IFT81: variants seen among roughly 807,000 people sequenced by gnomAD.
The protein encoded by IFT81 is intraflagellar transport protein 81 homolog.
In IFT81, 72 loss-of-function variants were observed where a neutral mutation model predicts 102.6. The ratio of observed to expected loss-of-function variants is 0.70; its 90% CI spans 0.58 to 0.85. The LOEUF is 0.85. Among genes scored for constraint, IFT81 ranks in the 40% least tolerant of loss-of-function variants. The probability of loss-of-function intolerance (pLI) is 0.00; values close to 1 mark genes in which losing one functional copy is unlikely to be tolerated. For synonymous variants in IFT81, 237 were observed against 242.7 expected, an observed-to-expected ratio of 0.98 and a Z score of 0.22; for missense variants, 723 against 787.3, an observed-to-expected ratio of 0.92 and a Z score of 0.98.
At chr12:110,172,578 A>G (rs373241849) in intron 11 of IFT81, among the ~76,000 whole-genome samples, 2 of 151,500 alleles carry the variant, frequency 1.3e-5, no homozygotes, top group African/African-American at 4.8e-5. Context: ...TGGTGGAGAC[A>G]GGGTTTCGCT....
chr12:110,147,104 C>A, intron 10 of IFT81, 56 bp downstream of exon 10: 2 of 1,363,686 alleles, frequency 1.5e-6, no homozygotes, highest in South Asian at 1.4e-5. Context: ...TCATGAACCA[C>A]TGGCTGTGTT....
rs546000321 is a variant in IFT81 at position 110,218,423 on chromosome 12, C to T, written c.*197C>T. 3 of 420,930 alleles carry T rather than the reference C, an allele frequency of 7.1e-6. No homozygotes were observed. In the South Asian group the frequency reaches 2.6e-4, roughly 36 times the overall value. 26.1% of individuals were successfully genotyped at this position (420,930 alleles called of 1,614,324 possible). On this transcript the variant is annotated 3_prime_UTR_variant, in exon 19 of 19. Transcript: ENST00000242591. ...TTCATATGAAAAAGAGGCTTTTATT[C>T]TTTTCCATAGTTTAGACATCACTGG...
At chr12:110,125,340 G>C (rs1024628904) in intron 1 of IFT81, among the ~76,000 whole-genome samples, 1 of 152,134 alleles carries the variant, frequency 6.6e-6, no homozygotes, top group African/African-American at 2.4e-5. Context: ...TTATTTCTTA[G>C]CAATAATAAT....
intron 11 of IFT81, among the ~76,000 whole-genome samples, chr12:110,169,881 GA>G (rs1221422980): frequency 6.6e-6 from 1 of 151,956 alleles, no homozygotes; most frequent in African/African-American, 2.4e-5. Context: ...GGACATTTTT[GA>G]AGTAATGTGT....
chr12:110,214,104 G>T (rs999108302), intron 18 of IFT81, among the ~76,000 whole-genome samples: 1 of 152,098 alleles, frequency 6.6e-6, no homozygotes, highest in Non-Finnish European at 1.5e-5. Flanking sequence ...TGAATTCTGT[G>T]TACCTTATTT....
chr12:110,153,993 AT>A (rs1052328896), intron 10 of IFT81, among the ~76,000 whole-genome samples: 3 of 148,788 alleles, frequency 2.0e-5, no homozygotes, highest in Non-Finnish European at 3.0e-5. Context: ...TTGTTGGGAT[AT>A]TTTTTTTTAG....
chr12:110,169,805 C>T (rs992652724), intron 11 of IFT81, among the ~76,000 whole-genome samples: 22 of 151,948 alleles, frequency 1.4e-4, no homozygotes, highest in African/African-American at 4.1e-4. Flanking sequence ...TCAAGTGATC[C>T]GCCCACCTCG....
intron 9 of IFT81, among the ~76,000 whole-genome samples, 181 bp from the exon 10 acceptor site, chr12:110,146,772 C>T (rs1203782792): frequency 6.6e-6 from 1 of 151,882 alleles, no homozygotes; most frequent in African/African-American, 2.4e-5. Context: ...AATTCAAAAT[C>T]AGTCTGGGCA....
At chr12:110,151,580 CATG>C (rs1895530327) in intron 10 of IFT81, among the ~76,000 whole-genome samples, 1 of 152,116 alleles carries the variant, frequency 6.6e-6, no homozygotes, top group Non-Finnish European at 1.5e-5. Context: ...TGGTATACAA[CATG>C]ATGTTTTGAA....
At chr12:110,196,506 C>T (rs1294499333) in intron 14 of IFT81, among the ~76,000 whole-genome samples, 7 of 152,206 alleles carry the variant, frequency 4.6e-5, no homozygotes, top group South Asian at 2.1e-4. Context: ...GGTGACAGAG[C>T]GAGACTCCGT....
In IFT81 at chr12:110,124,818, G is replaced by A. The variant is rs1247038963; in HGVS notation, c.-65G>A. ...CCAAATTGTGCCAGAGAACACGCACGTCCTGGTTTTCATTGTTCCCCGCCT... is the reference window on the plus strand; with the variant it reads ...CCAAATTGTGCCAGAGAACACGCACATCCTGGTTTTCATTGTTCCCCGCCT... On this transcript the variant is annotated 5_prime_UTR_variant, in exon 1 of 19. Transcript: ENST00000242591. 6.6e-6 allele frequency: 1 copy of A among 152,274 alleles called. No homozygotes were observed. Among genetic ancestry groups the A allele is most frequent in the Non-Finnish European group, 1.5e-5 (1 of 68,068 alleles). 9.4% of individuals were successfully genotyped at this position (152,274 alleles called of 1,614,324 possible). A position where few individuals can be genotyped will look rare whatever the true frequency, so the allele number is the denominator to read the frequency against.
At chr12:110,128,810 A>AG in intron 3 of IFT81, 140 bp from the exon 4 acceptor site, 1 of 502,760 alleles carries the variant, frequency 2.0e-6, no homozygotes, top group Non-Finnish European at 3.4e-6. Flanking sequence ...AAAAAAAAAA[A>AG]GATTCCTTGG....
At chr12:110,194,602 T>C (rs186709209) in intron 14 of IFT81, among the ~76,000 whole-genome samples, 23 of 152,328 alleles carry the variant, frequency 1.5e-4, no homozygotes, top group Admixed American at 1.5e-3. Context: ...TGCAATCTGA[T>C]AATTTTTATT....
intron 18 of IFT81, among the ~76,000 whole-genome samples, chr12:110,214,026 A>T (rs1014222461): frequency 3.3e-5 from 5 of 152,176 alleles, no homozygotes; most frequent in Non-Finnish European, 7.4e-5. Flanking sequence ...CCATTATATC[A>T]AAGAAAATAA....
In IFT81 at chr12:110,152,865, A is replaced by G. The variant is rs1895618297; in HGVS notation, c.1041+5817A>G. Among the ~76,000 whole-genome samples, 2 of 152,172 alleles carry G rather than the reference A, an allele frequency of 1.3e-5. 1 individual carries two copies. Among genetic ancestry groups the G allele is most frequent in the Non-Finnish European group, 2.9e-5 (2 of 68,030 alleles). On this transcript the variant is annotated intron_variant, in intron 10 of 18. Transcript: ENST00000242591. Reference sequence around the variant, plus strand: ...CTGGACTTCCCAAAGTACTGGGATTACAAGCATCAGCCACCATGCCTGGCT... The same window carrying G: ...CTGGACTTCCCAAAGTACTGGGATTGCAAGCATCAGCCACCATGCCTGGCT...
In IFT81 at chr12:110,193,286, C is replaced by T. The variant is rs535541321; in HGVS notation, c.1557+580C>T. The stretch of plus-strand genomic sequence containing the variant: ...CAGTTTAAGCTGAAATGCACAAATT[C>T]AGCCAGAGGAGATTTTTTCTTTAAA... On this transcript the variant is annotated intron_variant, in intron 14 of 18. Transcript: ENST00000242591. Among the ~76,000 whole-genome samples the T allele has an allele frequency of 7.2e-5, 11 of 152,240 alleles. No individual in the cohort carries two copies. In the South Asian group the frequency reaches 2.1e-3, roughly 29 times the overall value.
chr12:110,154,388 T>C (rs1447814945), intron 10 of IFT81, among the ~76,000 whole-genome samples: 1 of 150,304 alleles, frequency 6.7e-6, no homozygotes, highest in Non-Finnish European at 1.5e-5. Flanking sequence ...CCCAGCACTT[T>C]GGGAGGCTGA....
intron 11 of IFT81, among the ~76,000 whole-genome samples, chr12:110,177,068 A>C (rs978827503): frequency 6.6e-6 from 1 of 152,226 alleles, no homozygotes; most frequent in African/African-American, 2.4e-5. Flanking sequence ...GAAAATTTGC[A>C]AGTTATTAGA....
chr12:110,149,179 C>T (rs1282690321), intron 10 of IFT81, among the ~76,000 whole-genome samples: 1 of 152,134 alleles, frequency 6.6e-6, no homozygotes, highest in Non-Finnish European at 1.5e-5. Flanking sequence ...TACTCTAGAC[C>T]TGGAATTAGG....
Sources: gnomAD v4.1 joint callset for allele counts (sites outside exome capture counted in the v4.1 genomes callset) on GRCh38, gnomAD v4.1.1 for gene constraint, MANE v1.5 for transcripts, NCBI Gene and HGNC (gene_info 2026-07-23, HGNC 2026-07-21) for gene names.